The following ATF1 variants were observed in gnomAD, a reference collection of about 807,000 sequenced individuals.
ATF1 encodes cyclic AMP-dependent transcription factor ATF-1.
Under a neutral mutation model 34.7 loss-of-function variants are expected in ATF1, and 16 were observed. That is an observed-to-expected ratio of 0.46 (90% CI 0.31 to 0.70). ATF1 has a LOEUF of 0.70. Ranked by LOEUF, ATF1 falls within the 30% of genes least tolerant of loss-of-function variation. The probability of loss-of-function intolerance (pLI) is 0.05; values close to 1 mark genes in which losing one functional copy is unlikely to be tolerated. For synonymous variants in ATF1, 105 were observed against 113.1 expected (o/e 0.93, Z 0.46); for missense variants, 255 against 321.6 (o/e 0.79, Z 1.58).
chr12:50,794,252 G>A (rs1301007863), intron 2 of ATF1, among the ~76,000 whole-genome samples: 1 of 151,258 alleles, frequency 6.6e-6, no homozygotes, highest in Non-Finnish European at 1.5e-5. Flanking sequence ...GCCTGGCCTG[G>A]GTTATTTTAT....
intron 1 of ATF1, among the ~76,000 whole-genome samples, chr12:50,771,615 C>T (rs953806568): frequency 1.3e-5 from 2 of 152,056 alleles, no homozygotes; most frequent in African/African-American, 2.4e-5. Context: ...ATGTCAGAGG[C>T]GTATGAACCA....
intron 3 of ATF1, among the ~76,000 whole-genome samples, chr12:50,801,723 G>A (rs1282688890): frequency 6.6e-6 from 1 of 152,096 alleles, no homozygotes; most frequent in Non-Finnish European, 1.5e-5. Flanking sequence ...AAAAACATAT[G>A]ATCATCGCAA....
At chr12:50,808,980 C>T (rs1005004429) in intron 3 of ATF1, among the ~76,000 whole-genome samples, 3 of 152,032 alleles carry the variant, frequency 2.0e-5, no homozygotes, top group Admixed American at 1.3e-4. Context: ...CCTTGTGATC[C>T]GCTGGTCTCG....
chr12:50,773,443 T>TC (rs1417177739), intron 1 of ATF1, among the ~76,000 whole-genome samples: 1 of 114,124 alleles, frequency 8.8e-6, no homozygotes, highest in East Asian at 2.4e-4. Flanking sequence ...TAATTGCCAT[T>TC]CTTTTTTTTT....
At chr12:50,777,936 C>CTTT (rs71086478) in intron 1 of ATF1, among the ~76,000 whole-genome samples, 1 of 133,398 alleles carries the variant, frequency 7.5e-6, no homozygotes, top group Non-Finnish European at 1.6e-5. Context: ...AATTTACTAT[C>CTTT]TTTTTTTTTT....
intron 3 of ATF1, among the ~76,000 whole-genome samples, chr12:50,802,986 C>T (rs1233829421): frequency 1.4e-5 from 2 of 147,666 alleles, no homozygotes; most frequent in Admixed American, 6.8e-5. Context: ...GGGGGCTGGG[C>T]ATGGTGGCTT....
intron 1 of ATF1, among the ~76,000 whole-genome samples, chr12:50,774,795 T>A (rs1940871982): frequency 6.6e-6 from 1 of 151,082 alleles, no homozygotes; most frequent in African/African-American, 2.4e-5. Flanking sequence ...TCGCCCAGGC[T>A]GGAGTCCAGT....
chr12:50,807,627 C>T (rs1025147123), intron 3 of ATF1, among the ~76,000 whole-genome samples: 7 of 152,020 alleles, frequency 4.6e-5, no homozygotes, highest in African/African-American at 1.7e-4. Flanking sequence ...CATTTTCATT[C>T]TAAGGGCTTT....
At chr12:50,795,375 AT>A (rs1565910669) in intron 2 of ATF1, among the ~76,000 whole-genome samples, 1 of 151,980 alleles carries the variant, frequency 6.6e-6, no homozygotes, top group Admixed American at 6.6e-5. Context: ...GTCCTCTTCT[AT>A]TTACCCCTAT....
intron 2 of ATF1, among the ~76,000 whole-genome samples, chr12:50,783,640 C>T (rs1040889230): frequency 4.6e-5 from 7 of 150,924 alleles, no homozygotes; most frequent in Non-Finnish European, 8.9e-5. Flanking sequence ...GAGGCCGAGG[C>T]GGGTAGATCA....
intron 2 of ATF1, among the ~76,000 whole-genome samples, chr12:50,793,361 C>T (rs1941343254): frequency 2.0e-5 from 3 of 152,286 alleles, no homozygotes; most frequent in South Asian, 2.1e-4. Flanking sequence ...TGCGGTGGCT[C>T]ATACCTGTAA....
At chr12:50,811,351 A>G (rs980230909) in intron 4 of ATF1, among the ~76,000 whole-genome samples, 10 of 152,082 alleles carry the variant, frequency 6.6e-5, no homozygotes, top group Non-Finnish European at 1.3e-4. Context: ...TGTTTTCCCC[A>G]CTAGAATATA....
intron 1 of ATF1, among the ~76,000 whole-genome samples, chr12:50,777,554 T>C (rs535999133): frequency 6.6e-6 from 1 of 152,214 alleles, no homozygotes; most frequent in East Asian, 1.9e-4. Context: ...CAGACAGTAA[T>C]TACTTGAGCC....
intron 2 of ATF1, 57 bp downstream of exon 2, chr12:50,780,295 T>C (rs1217627132): frequency 7.1e-7 from 1 of 1,405,200 alleles, no homozygotes; most frequent in Non-Finnish European, 1.0e-6. Context: ...ATATGCAGAT[T>C]AATCTCGTTT....
At chr12:50,813,267 C>T (rs1941774234) in intron 4 of ATF1, among the ~76,000 whole-genome samples, 2 of 152,146 alleles carry the variant, frequency 1.3e-5, no homozygotes. Flanking sequence ...GAATAGATTA[C>T]ATTTCTTAAC....
chr12:50,775,370 C>T (rs1210638859), intron 1 of ATF1, among the ~76,000 whole-genome samples: 1 of 151,266 alleles, frequency 6.6e-6, no homozygotes, highest in Non-Finnish European at 1.5e-5. Flanking sequence ...AGGAATGTAT[C>T]TTACTTTTCT....
chr12:50,795,916 C>G lies in ATF1; in HGVS notation c.101C>G (p.Ser34Cys), dbSNP rs554587124. ...ATGCCAGTTCTTTTTTAGGTATCAT[C>G]TTTATCAGAAAGTGAGGAGTCCCAG... ...HISHIAQQVS[S>C]LSESEESQDS... The change falls in exon 3 of 7, where the codon TCT becomes TGT. Residue 34 changes from serine to cysteine, a missense_variant. Physicochemically the swap from Ser to Cys is moderately radical, Grantham distance 112. Around this residue, in one of 2 missense-constraint regions of ATF1, gnomAD observed 221 missense variants for 250.7 expected, o/e 0.88. Transcript: ENST00000262053. 3 of 1,611,480 alleles carry G rather than the reference C, an allele frequency of 1.9e-6. No homozygotes were observed. Among genetic ancestry groups the G allele is most frequent in the Non-Finnish European group, 2.5e-6 (3 of 1,178,816 alleles).
chr12:50,773,577 C>T (rs1202793351), intron 1 of ATF1, among the ~76,000 whole-genome samples: 1 of 146,562 alleles, frequency 6.8e-6, no homozygotes, highest in Non-Finnish European at 1.5e-5. Flanking sequence ...CCACAGTCAC[C>T]CACGATGCCA....
At chr12:50,785,389 G>A (rs1941167083) in intron 2 of ATF1, among the ~76,000 whole-genome samples, 1 of 149,746 alleles carries the variant, frequency 6.7e-6, no homozygotes, top group Admixed American at 6.7e-5. Context: ...GCTGGATGAT[G>A]TTTTCCATTT....
Sources: allele counts gnomAD v4.1 joint callset (sites outside exome capture counted in the v4.1 genomes callset), GRCh38; gene constraint gnomAD v4.1.1; regional missense constraint gnomAD v4.1.1; transcripts MANE v1.5; gene names NCBI Gene and HGNC (gene_info 2026-07-23, HGNC 2026-07-21).